MICAL1: variants seen among roughly 807,000 people sequenced by gnomAD.
MICAL1 encodes microtubule associated monooxygenase, calponin and LIM domain containing 1.
MICAL1 carries 95 observed loss-of-function variants against 131.8 expected under a neutral mutation model. The ratio of observed to expected loss-of-function variants is 0.72; its 90% CI spans 0.61 to 0.86. The LOEUF (loss-of-function observed/expected upper bound fraction) is 0.86, where lower values mean the gene tolerates loss of function less well. Ranked by LOEUF, MICAL1 falls within the 40% of genes least tolerant of loss-of-function variation. The pLI is 0.00. For synonymous variants in MICAL1, 546 were observed against 554.2 expected, an observed-to-expected ratio of 0.99 and a Z score of 0.21; for missense variants, 1,292 against 1,380.6, an observed-to-expected ratio of 0.94 and a Z score of 1.02.
chr6:109,445,424 T>C lies in MICAL1; in HGVS notation c.2779A>G (p.Lys927Glu). Residue 927 changes from lysine to glutamate, a missense_variant, in exon 21 of 25, where the codon AAG (lysine) becomes GAG (glutamate). Lys to Glu is a moderately conservative substitution (Grantham distance 56). Coordinates refer to ENST00000358807, the MANE Select transcript of MICAL1 (RefSeq NM_022765.4). ...AKEEEMKRFCKAQTIQRRLNE... is the reference protein window; with the variant it reads ...AKEEEMKRFCEAQTIQRRLNE... ...GAACCCCCGGGCTTCACCTGGGCCT[T>C]GCAGAACCTCTTCATCTCCTCCTCC... 2 of 1,614,040 alleles carry C rather than the reference T, an allele frequency of 1.2e-6. No individual in the cohort carries two copies. The highest frequency in any genetic ancestry group is 2.2e-5 in the South Asian group (2 of 91,092).
intron 12 of MICAL1, 96 bp from the exon 13 acceptor site, chr6:109,448,489 G>T: frequency 7.0e-7 from 1 of 1,432,482 alleles, no homozygotes; most frequent in Non-Finnish European, 9.6e-7. Flanking sequence ...GCAAGCAGCA[G>T]CTGGGGTACA....
upstream of MICAL1, among the ~76,000 whole-genome samples, chr6:109,458,940 G>A (rs774379052): frequency 6.6e-6 from 1 of 152,184 alleles, no homozygotes; most frequent in African/African-American, 2.4e-5. Context: ...AGAGTGCCAT[G>A]AGAGGATGTG....
Position 109,454,123 on chromosome 6 carries a change from T to A in MICAL1, c.74A>T (p.Asp25Val). The change falls in exon 2 of 25, where the codon GAC becomes GTC. Residue 25 changes from aspartate (D) to valine (V), a missense_variant. Coordinates refer to ENST00000358807, the MANE Select transcript of MICAL1 (RefSeq NM_022765.4). Reference sequence around the variant, plus strand: ...CAGCTCCTGGAAGCTGCTCAGCACGTCCTGGCACAGCTGGGCCTGCAGGAA... The same window carrying A: ...CAGCTCCTGGAAGCTGCTCAGCACGACCTGGCACAGCTGGGCCTGCAGGAA... ...ESFLQAQLCQ[D>V]VLSSFQELCG... 1 of 1,613,612 alleles carries A rather than the reference T, an allele frequency of 6.2e-7. No homozygotes were observed. Among genetic ancestry groups the A allele is most frequent in the South Asian group, 1.1e-5 (1 of 91,062 alleles).
intron 1 of MICAL1, among the ~76,000 whole-genome samples, chr6:109,462,388 G>A (rs1775910914): frequency 6.6e-6 from 1 of 152,216 alleles, no homozygotes; most frequent in Non-Finnish European, 1.5e-5. Context: ...CCTCCAACCA[G>A]AGGGTGCTAT....
At chr6:109,448,182 C>T (rs1775331989) in intron 13 of MICAL1, 21 bp downstream of exon 13, 1 of 1,547,710 alleles carries the variant, frequency 6.5e-7, no homozygotes, top group Non-Finnish European at 8.7e-7. Flanking sequence ...AGTTATCCTG[C>T]CCGCCTTTCC....
At chr6:109,449,316 G>T in intron 11 of MICAL1, 84 bp downstream of exon 11, 1 of 1,418,608 alleles carries the variant, frequency 7.0e-7, no homozygotes, top group Non-Finnish European at 1.0e-6. Flanking sequence ...CCTGTCCTGA[G>T]GCTGCAGCTG....
chr6:109,449,128 C>T (rs1335302658), intron 11 of MICAL1: 1 of 662,092 alleles, frequency 1.5e-6, no homozygotes, highest in South Asian at 1.8e-5. Flanking sequence ...GGGCAGCAGA[C>T]TAAACTGGGG....
chr6:109,454,383 C>A lies in MICAL1; in HGVS notation c.-43-144G>T, dbSNP rs140418593. 1,219 of 860,382 alleles carry A rather than the reference C, an allele frequency of 1.4e-3. 5 individuals are homozygous for A. In the African/African-American group the frequency reaches 0.018, roughly 12 times the overall value. 53.3% of individuals were successfully genotyped at this position (860,382 alleles called of 1,614,324 possible). On this transcript the variant is annotated intron_variant, in intron 1 of 24. Transcript: ENST00000358807. ...CTGCTCCTCCCAGCCCATTCCCCTG[C>A]CAGCATCTGCTCCAGAGACAGCTGC... is the stretch of plus-strand genomic sequence containing the variant.
At chr6:109,445,715 G>A (rs1327037335) in intron 20 of MICAL1, 56 bp downstream of exon 20, 1 of 1,573,276 alleles carries the variant, frequency 6.4e-7, no homozygotes, top group Non-Finnish European at 8.7e-7. Context: ...GACCAGTGCA[G>A]GTTTCTCCTG....
At position 109,450,433 on chromosome 6, in the gene MICAL1, TG is replaced by T. The variant is rs1775490735; in HGVS notation, c.1057del (p.Gln353ArgfsTer17). ...HGKLGKLEFA[Q>X]DAHGQPDVSA... Reference sequence around the variant, plus strand: ...GACATCAGGCTGCCCATGGGCATCCTGGGCAAACTCTAGTTTCCCGAGCTTG... The same window carrying T: ...GACATCAGGCTGCCCATGGGCATCCTGGCAAACTCTAGTTTCCCGAGCTTG... On this transcript the variant is annotated frameshift_variant, in exon 8 of 25. Transcript: ENST00000358807. LOFTEE classifies it high-confidence loss of function. The T allele has an allele frequency of 6.2e-7, 1 of 1,613,486 alleles. No homozygotes were observed. Among genetic ancestry groups the T allele is most frequent in the African/African-American group, 1.3e-5 (1 of 74,936 alleles).
In MICAL1 at chr6:109,444,760, A is replaced by G; in HGVS notation, c.3020T>C (p.Leu1007Pro). Reference sequence around the variant, plus strand: ...CATGTAGCCTCGTAGCTCCTGGTCCAGCTGCCACTGTTTCTCCTCCAGATT... The same window carrying G: ...CATGTAGCCTCGTAGCTCCTGGTCCGGCTGCCACTGTTTCTCCTCCAGATT... ...ELNLEEKQWQLDQELRGYMNR... is the reference protein window; with the variant it reads ...ELNLEEKQWQPDQELRGYMNR... The change falls in exon 24 of 25, where the codon CTG becomes CCG. Residue 1007 changes from leucine (L) to proline (P), a missense_variant. By Grantham distance (98) the Leu-to-Pro change is moderately conservative. Transcript: ENST00000358807. 1 of 1,614,118 alleles carries G rather than the reference A, an allele frequency of 6.2e-7. No individual in the cohort carries two copies. Among genetic ancestry groups the G allele is most frequent in the Non-Finnish European group, 8.5e-7 (1 of 1,180,026 alleles).
At chr6:109,448,125 T>G (rs1220048171) in intron 13 of MICAL1, 78 bp downstream of exon 13, 5 of 1,262,744 alleles carry the variant, frequency 4.0e-6, no homozygotes, top group Non-Finnish European at 5.2e-6. Flanking sequence ...CACCGCCTTC[T>G]CCCTCTGTCA....
rs961836307 is a variant in MICAL1, at chr6:109,455,719, C to T, written c.-44G>A. ...CAGCCGGCTCCGCTGGACGACTTAC[C>T]GGCGGCTCCGAAGCCGGGAGGGGCC... On this transcript the variant is annotated splice_region_variant and 5_prime_UTR_variant, in exon 1 of 25. Transcript: ENST00000358807. The surrounding 1 kb of genome is among the most constrained non-coding windows in gnomAD (Gnocchi z 4.7). The T allele has an allele frequency of 3.1e-6, 3 of 974,276 alleles. No individual in the cohort carries two copies. Among genetic ancestry groups the T allele is most frequent in the South Asian group, 4.8e-5 (1 of 20,896 alleles). 60.4% of individuals were successfully genotyped at this position (974,276 alleles called of 1,614,324 possible).
Position 109,447,858 on chromosome 6 carries a change from C to A in MICAL1, c.1944+17G>T. ...CACTCCTCCCTGCTCAGCTCCAGCC[C>A]TGCCTAAACTCTCCACCTTGGCCCG... On this transcript the variant is annotated intron_variant, in intron 14 of 24. Transcript: ENST00000358807. 2.5e-6 allele frequency: 4 copies of A among 1,613,158 alleles called. No individual in the cohort carries two copies. Among genetic ancestry groups the A allele is most frequent in the Non-Finnish European group, 3.4e-6 (4 of 1,179,424 alleles).
At chr6:109,448,106 A>G in intron 13 of MICAL1, 97 bp downstream of exon 13, 2 of 1,381,334 alleles carry the variant, frequency 1.4e-6, no homozygotes, top group African/African-American at 1.8e-5. Context: ...TGACACACAC[A>G]CACACACACA....
In MICAL1 at chr6:109,444,260, A is replaced by C. The variant is rs1775103228; in HGVS notation, c.3135T>G (p.Asp1045Glu). The change falls in exon 25 of 25, where the codon GAT (aspartate) becomes GAG (glutamate). Residue 1045 changes from aspartate to glutamate, a missense_variant. By Grantham distance (45) the Asp-to-Glu change is conservative. Coordinates refer to ENST00000358807, the MANE Select transcript of MICAL1 (RefSeq NM_022765.4). Reference protein sequence around the residue: ...RKLVDLVNQRDALIRFQEERR... With the variant: ...RKLVDLVNQREALIRFQEERR... ...GCTCCTCCTGGAAGCGGATGAGGGC[A>C]TCTCTCTGGTTGACCAAATCCACCA... The C allele has an allele frequency of 1.2e-6, 2 of 1,613,536 alleles. No individual in the cohort carries two copies. The highest frequency in any genetic ancestry group is 1.7e-6 in the Non-Finnish European group (2 of 1,180,038).
chr6:109,456,827 A>T (rs1056261206), upstream of MICAL1, among the ~76,000 whole-genome samples: 5 of 152,184 alleles, frequency 3.3e-5, no homozygotes, highest in Admixed American at 2.6e-4. Flanking sequence ...TGAGTCACAG[A>T]TGTTCTGTGA....
chr6:109,448,110 A>G, intron 13 of MICAL1, 93 bp downstream of exon 13: 1 of 1,370,262 alleles, frequency 7.3e-7, no homozygotes, highest in Non-Finnish European at 9.8e-7. Flanking sequence ...ACACACACAC[A>G]CACACACCGC....
At position 109,446,331 on chromosome 6, in the gene MICAL1, G is replaced by C. The variant is rs1562287008; in HGVS notation, c.2386C>G (p.Pro796Ala). The C allele has an allele frequency of 5.0e-6, 8 of 1,614,178 alleles. No individual in the cohort carries two copies. The highest frequency in any genetic ancestry group is 6.8e-6 in the Non-Finnish European group (8 of 1,180,022). ...CGACGGGTGGGCTGGCTGGGATCTGGAACAGGACCGGCCCCCTCCTGCGAG... is the reference window on the plus strand; with the variant it reads ...CGACGGGTGGGCTGGCTGGGATCTGCAACAGGACCGGCCCCCTCCTGCGAG... ...TASQEGAGPVPDPSQPTRRQI... is the reference protein window; with the variant it reads ...TASQEGAGPVADPSQPTRRQI... Residue 796 changes from proline (P) to alanine (A), a missense_variant, in exon 19 of 25, where the codon CCA (proline) becomes GCA (alanine). Coordinates refer to ENST00000358807, the MANE Select transcript of MICAL1 (RefSeq NM_022765.4).
Sources: allele counts gnomAD v4.1 joint callset (sites outside exome capture counted in the v4.1 genomes callset), GRCh38; gene constraint gnomAD v4.1.1; non-coding constraint Gnocchi (gnomAD v3.1); transcripts MANE v1.5; gene names NCBI Gene and HGNC (gene_info 2026-07-23, HGNC 2026-07-21).